The following FRY variants were observed in gnomAD, a reference collection of about 807,000 sequenced individuals.
FRY encodes the protein protein furry homolog.
A neutral mutation model predicts 348.4 loss-of-function variants in FRY; 128 were observed. That is an observed-to-expected ratio of 0.37 (90% CI 0.32 to 0.43). The LOEUF (loss-of-function observed/expected upper bound fraction) is 0.43, where lower values mean the gene tolerates loss of function less well. FRY is among the 20% of genes least tolerant of loss of function. The pLI is 1.00. For missense variants in FRY, 2,736 were observed against 3,695.2 expected (o/e 0.74, Z 6.73); for synonymous variants, 1,370 against 1,374.7 (o/e 1.00, Z 0.08).
In FRY at chr13:32,187,636, C is replaced by A; in HGVS notation, c.3571C>A (p.Leu1191Met). The A allele has an allele frequency of 6.2e-7, 1 of 1,603,010 alleles. No homozygotes were observed. Among genetic ancestry groups the A allele is most frequent in the Non-Finnish European group, 8.5e-7 (1 of 1,169,936 alleles). ...GYLYKWLDNILACQDLRVHQL... is the reference protein window; with the variant it reads ...GYLYKWLDNIMACQDLRVHQL... ...CCTATATAAATGGCTTGACAACATT[C>A]TGGCTTGTCAAGATTTACGAGTAAG... Residue 1191 changes from leucine (L) to methionine (M), a missense_variant, in exon 28 of 61, where the codon CTG becomes ATG. This residue lies in a region of FRY where 794 missense variants were observed against 977.0 expected (regional missense o/e 0.81). Transcript: ENST00000542859.
chr13:32,177,441 A>C (rs1163561406), intron 20 of FRY, among the ~76,000 whole-genome samples: 4 of 151,990 alleles, frequency 2.6e-5, no homozygotes, highest in Non-Finnish European at 5.9e-5. Flanking sequence ...AAATAATACA[A>C]AAATTAGCGA....
At chr13:32,060,914 A>C (rs991493626) in intron 1 of FRY, 1 of 365,538 alleles carries the variant, frequency 2.7e-6, no homozygotes, top group African/African-American at 2.1e-5. Flanking sequence ...TTTGTCTTCT[A>C]CTGTAGGTCT....
In FRY at chr13:32,184,586, C is replaced by T. The variant is rs1197471506; in HGVS notation, c.3055-14C>T. On this transcript the variant is annotated splice_polypyrimidine_tract_variant and intron_variant, in intron 24 of 60. Transcript: ENST00000542859. ...TGCCTGTGTCTGTAAGTGATACTAC[C>T]TCTTTCTACACAGAACAAGAAACGC... 2 of 1,554,462 alleles carry T rather than the reference C, an allele frequency of 1.3e-6. No individual in the cohort carries two copies. The highest frequency in any genetic ancestry group is 2.2e-5 in the East Asian group (1 of 44,546).
At position 32,228,650 on chromosome 13, in the gene FRY, A is replaced by T; in HGVS notation, c.5401A>T (p.Thr1801Ser). ...AAACAAGCTCATTGAGTTTCTCACG[A>T]CCAGGTAATAAGGGGTTAGGAGTCC... ...KANKLIEFLT[T>S]RAFGPLWCHE... Residue 1801 changes from threonine to serine, a missense_variant, in exon 40 of 61, where the codon ACC becomes TCC. Physicochemically the swap from Thr to Ser is moderately conservative, Grantham distance 58 (BLOSUM62 1). Coordinates refer to ENST00000542859, the MANE Select transcript of FRY (RefSeq NM_023037.3). 1.2e-6 allele frequency: 2 copies of T among 1,613,986 alleles called. No individual in the cohort carries two copies. The highest frequency in any genetic ancestry group is 1.7e-6 in the Non-Finnish European group (2 of 1,179,850).
intron 2 of FRY, among the ~76,000 whole-genome samples, chr13:32,096,986 T>G (rs917088467): frequency 1.3e-5 from 2 of 152,078 alleles, no homozygotes; most frequent in Admixed American, 6.6e-5. Flanking sequence ...AAAGTGAGCC[T>G]GACAATATGT....
chr13:32,031,807 G>A lies in FRY; in HGVS notation c.12G>A (p.Gln4=), dbSNP rs2138326163. The A allele has an allele frequency of 6.2e-7, 1 of 1,607,292 alleles. No homozygotes were observed. The highest frequency in any genetic ancestry group is 8.5e-7 in the Non-Finnish European group (1 of 1,175,120). ...TGTATGCCGCAGACATGGCCAGCCA[G>A]CAGGATTCGGGCTTCTTTGAGATCA... MAS[Q]QDSGFFEISI... Residue 4 remains glutamine (Q), a synonymous_variant, in exon 1 of 61, where the codon CAG becomes CAA. Coordinates refer to ENST00000542859, the MANE Select transcript of FRY (RefSeq NM_023037.3).
chr13:32,266,296 G>GT (rs1887923170), intron 54 of FRY, among the ~76,000 whole-genome samples: 1 of 152,160 alleles, frequency 6.6e-6, no homozygotes, highest in African/African-American at 2.4e-5. Flanking sequence ...AAAGGTTAAG[G>GT]TAACACCTAG....
chr13:32,200,041 G>T (rs1243108698), intron 29 of FRY, among the ~76,000 whole-genome samples: 1 of 152,164 alleles, frequency 6.6e-6, no homozygotes, highest in African/African-American at 2.4e-5. Context: ...CATGGCAGGA[G>T]AGTTGAACAT....
At chr13:32,292,191 C>T (rs1889407874) in intron 59 of FRY, among the ~76,000 whole-genome samples, 1 of 152,062 alleles carries the variant, frequency 6.6e-6, no homozygotes, top group South Asian at 2.1e-4. Flanking sequence ...CCTTGTTAGT[C>T]AGGCTGGTCT....
intron 48 of FRY, among the ~76,000 whole-genome samples, chr13:32,248,539 A>AC (rs1257163164): frequency 4.0e-5 from 6 of 151,854 alleles, no homozygotes; most frequent in East Asian, 1.9e-4. Context: ...ATTAAAAAAA[A>AC]AAGAAATAAA....
Position 32,053,934 on chromosome 13 carries a change from G to A in FRY, c.70+22069G>A, listed in dbSNP as rs942697188. Among the ~76,000 whole-genome samples, 7 of 152,230 alleles carry A rather than the reference G, an allele frequency of 4.6e-5. No homozygotes were observed. In the South Asian group the frequency reaches 8.3e-4, roughly 18 times the overall value. ...GAACCCAGGATGCGGAGGTTGCAAT[G>A]AGCTGAGATCACACCGCTGCATTCC... On this transcript the variant is annotated intron_variant, in intron 1 of 60. Transcript: ENST00000542859.
chr13:32,071,132 A>G (rs985157761), intron 1 of FRY, among the ~76,000 whole-genome samples: 2 of 152,324 alleles, frequency 1.3e-5, no homozygotes, highest in East Asian at 3.9e-4. Flanking sequence ...ATATAGTTTG[A>G]AGTTAGGTAA....
chr13:32,246,391 T>A (rs1195136628), intron 47 of FRY, among the ~76,000 whole-genome samples: 1 of 152,188 alleles, frequency 6.6e-6, no homozygotes, highest in Admixed American at 6.5e-5. Flanking sequence ...ATGGTAAAAC[T>A]GAGTCTTAAA....
chr13:32,085,512 C>T (rs1051481200), intron 2 of FRY, among the ~76,000 whole-genome samples: 2 of 152,170 alleles, frequency 1.3e-5, no homozygotes, highest in African/African-American at 4.8e-5. Context: ...GTTGTGTGAC[C>T]TTGGACCAGC....
chr13:32,286,341 T>C lies in FRY; in HGVS notation c.8470-3292T>C, dbSNP rs182789339. Among the ~76,000 whole-genome samples the C allele has an allele frequency of 1.8e-4, 27 of 152,306 alleles. 1 individual carries two copies. Among genetic ancestry groups the C allele is most frequent in the Admixed American group, 1.7e-3 (26 of 15,302 alleles). On this transcript the variant is annotated intron_variant, in intron 58 of 60. Coordinates refer to ENST00000542859, the MANE Select transcript of FRY (RefSeq NM_023037.3). ...AGAACCAGATATGTTGATGCATAAT[T>C]AGGAATGGTCAATTTGATTTAAAAA...
intron 51 of FRY, among the ~76,000 whole-genome samples, chr13:32,258,508 G>C (rs1887453269): frequency 6.6e-6 from 1 of 152,042 alleles, no homozygotes; most frequent in South Asian, 2.1e-4. Flanking sequence ...AGCTACCTGG[G>C]AGGCTGAGGC....
rs150399888 is a variant in FRY at position 32,260,360 on chromosome 13, T to C, written c.7417-1256T>C. Among the ~76,000 whole-genome samples the C allele has an allele frequency of 5.2e-3, 793 of 152,166 alleles. 4 individuals are homozygous for C. The highest frequency in any genetic ancestry group is 0.018 in the African/African-American group (758 of 41,520). The stretch of plus-strand genomic sequence containing the variant: ...CAGATCATTTGTTTAGGTTAAAATT[T>C]GCATATCAGTCAGCTGAGTAATATT... On this transcript the variant is annotated intron_variant, in intron 51 of 60. Transcript: ENST00000542859.
chr13:32,132,302 A>G (rs1879419255), intron 8 of FRY, among the ~76,000 whole-genome samples: 1 of 131,020 alleles, frequency 7.6e-6, no homozygotes, highest in Admixed American at 7.9e-5. Flanking sequence ...AGTGCCCATC[A>G]TGGTACATAA....
intron 4 of FRY, among the ~76,000 whole-genome samples, chr13:32,120,930 G>T (rs2138708601): frequency 6.6e-6 from 1 of 152,336 alleles, no homozygotes; most frequent in African/African-American, 2.4e-5. Context: ...AAAGTGCTGG[G>T]ATTACAGGCG....
Sources: gnomAD v4.1 joint callset for allele counts (sites outside exome capture counted in the v4.1 genomes callset) on GRCh38, gnomAD v4.1.1 for gene constraint, gnomAD v4.1.1 regional missense constraint, MANE v1.5 for transcripts, NCBI Gene and HGNC (gene_info 2026-07-23, HGNC 2026-07-21) for gene names.